Variants in DUSP16 observed in about 807,000 individuals in gnomAD.
The protein encoded by DUSP16 is dual specificity protein phosphatase 16.
A neutral mutation model predicts 58.3 loss-of-function variants in DUSP16; 21 were observed. The observed-to-expected ratio is 0.36, with a 90% CI of 0.26 to 0.52. The LOEUF (loss-of-function observed/expected upper bound fraction) is 0.52, where lower values mean the gene tolerates loss of function less well. DUSP16 is among the 20% of genes least tolerant of loss of function. DUSP16 has a pLI of 0.94. For missense variants in DUSP16, 726 were observed against 819.0 expected, an observed-to-expected ratio of 0.89 and a Z score of 1.39; for synonymous variants, 320 against 323.8, an observed-to-expected ratio of 0.99 and a Z score of 0.12.
At chr12:12,513,733 G>C (rs1944109758) in intron 3 of DUSP16, among the ~76,000 whole-genome samples, 1 of 152,158 alleles carries the variant, frequency 6.6e-6, no homozygotes, top group East Asian at 1.9e-4. Context: ...GAAGGACATA[G>C]TAGAACAGCA....
chr12:12,529,682 C>A (rs995688618), intron 1 of DUSP16, among the ~76,000 whole-genome samples: 1 of 152,198 alleles, frequency 6.6e-6, no homozygotes, highest in Non-Finnish European at 1.5e-5. Flanking sequence ...TCTCCCCAGG[C>A]TTCCCCTCCC....
intron 3 of DUSP16, 105 bp downstream of exon 3, chr12:12,519,757 A>C: frequency 8.8e-7 from 1 of 1,139,020 alleles, no homozygotes; most frequent in Non-Finnish European, 1.3e-6. Flanking sequence ...ATCATTTTAC[A>C]CAGCAAAGTT....
intron 1 of DUSP16, among the ~76,000 whole-genome samples, chr12:12,536,759 C>T (rs1009994494): frequency 6.6e-6 from 1 of 151,178 alleles, no homozygotes; most frequent in African/African-American, 2.4e-5. Context: ...AAAAAAAACG[C>T]CGATGCGGTG....
intron 4 of DUSP16, among the ~76,000 whole-genome samples, chr12:12,496,970 T>C (rs1943835922): frequency 6.6e-6 from 1 of 152,168 alleles, no homozygotes; most frequent in Non-Finnish European, 1.5e-5. Flanking sequence ...TGCTGAGACC[T>C]AGACTGTCCA....
rs369128224 is a variant in DUSP16 at position 12,477,187 on chromosome 12, G to T, written c.1644C>A (p.Thr548=). Residue 548 remains threonine (T), a synonymous_variant, in exon 7 of 7, where the codon ACC becomes ACA. Coordinates refer to ENST00000298573, the MANE Select transcript of DUSP16 (RefSeq NM_030640.3). This position sits in a 1 kb window ranked among gnomAD's most constrained non-coding sequence, Gnocchi z 4.1. ...GWHSDILAPQ[T]STPSLTSSWY... Reference sequence around the variant, plus strand: ...AGCTGCTGGTCAGGGAAGGGGTAGAGGTCTGGGGGGCCAAGATATCCGAGT... The same window carrying T: ...AGCTGCTGGTCAGGGAAGGGGTAGATGTCTGGGGGGCCAAGATATCCGAGT... 1.5e-5 allele frequency: 25 copies of T among 1,614,110 alleles called. No individual in the cohort carries two copies. The African/African-American group carries it at 2.4e-4, about 16-fold the overall frequency.
rs1026567580 is a variant in DUSP16 at position 12,476,965 on chromosome 12, C to T, written c.1866G>A (p.Gln622=). Residue 622 remains glutamine (Q), a synonymous_variant, in exon 7 of 7, where the codon CAG becomes CAA. Coordinates refer to ENST00000298573, the MANE Select transcript of DUSP16 (RefSeq NM_030640.3). ...SWHEESPFEK[Q]FKRRSCQMEF... is the part of the protein sequence containing the mutation. The stretch of plus-strand genomic sequence containing the variant: ...CCATTTGGCAGCTTCTGCGTTTAAA[C>T]TGCTTTTCAAAGGGGCTCTCTTCAT... 1.9e-6 allele frequency: 3 copies of T among 1,614,094 alleles called. No individual in the cohort carries two copies. The highest frequency in any genetic ancestry group is 1.3e-5 in the African/African-American group (1 of 74,936).
In DUSP16 at chr12:12,476,172, A is replaced by G. The variant is rs1402984173; in HGVS notation, c.*661T>C. The G allele has an allele frequency of 6.5e-6, 1 of 152,684 alleles. No homozygotes were observed. The highest frequency in any genetic ancestry group is 1.5e-5 in the Non-Finnish European group (1 of 68,060). The allele number at this position is 152,684 out of a possible 1,614,324, so 9.5% of individuals were successfully genotyped here. On this transcript the variant is annotated 3_prime_UTR_variant, in exon 7 of 7. Transcript: ENST00000298573. Reference sequence around the variant, plus strand: ...GTGACTAGCTACCTACCTATTCACAATGCCTAGAAAATGGGCTACCAGATA... The same window carrying G: ...GTGACTAGCTACCTACCTATTCACAGTGCCTAGAAAATGGGCTACCAGATA...
rs116347513 is a variant in DUSP16, at chr12:12,504,554, G to A, written c.368-3872C>T. Among the ~76,000 whole-genome samples the A allele has an allele frequency of 5.2e-3, 791 of 152,006 alleles. 8 individuals carry two copies. The highest frequency in any genetic ancestry group is 0.017 in the African/African-American group (721 of 41,476). On this transcript the variant is annotated intron_variant, in intron 3 of 6. Coordinates refer to ENST00000298573, the MANE Select transcript of DUSP16 (RefSeq NM_030640.3). ...TGGGTTTACAGGCATGAGCCACTGC[G>A]CCCTGCCAGTTCTGGTGTTTCTCTA...
intron 3 of DUSP16, among the ~76,000 whole-genome samples, chr12:12,501,479 A>G (rs1943909785): frequency 6.6e-6 from 1 of 152,214 alleles, no homozygotes; most frequent in Non-Finnish European, 1.5e-5. Flanking sequence ...AGTGAAATCT[A>G]TGTAGCCAAA....
intron 3 of DUSP16, among the ~76,000 whole-genome samples, chr12:12,503,931 C>T (rs1202820297): frequency 1.3e-5 from 2 of 152,190 alleles, no homozygotes; most frequent in African/African-American, 4.8e-5. Flanking sequence ...TGGAGTCAAT[C>T]AGAACTCCTG....
chr12:12,517,719 C>T (rs1347601537), intron 3 of DUSP16, among the ~76,000 whole-genome samples: 3 of 152,350 alleles, frequency 2.0e-5, no homozygotes, highest in Non-Finnish European at 2.9e-5. Flanking sequence ...GCAATTCAGA[C>T]TCTGAAGTCA....
At chr12:12,482,357 T>C (rs1943586786) in intron 5 of DUSP16, among the ~76,000 whole-genome samples, 1 of 152,234 alleles carries the variant, frequency 6.6e-6, no homozygotes, top group Non-Finnish European at 1.5e-5. Context: ...ATAGGTTTCC[T>C]TTTCTCTGTT....
At chr12:12,551,002 G>C (rs1258158239) in intron 1 of DUSP16, among the ~76,000 whole-genome samples, 1 of 152,158 alleles carries the variant, frequency 6.6e-6, no homozygotes. Flanking sequence ...TCTGTATGAT[G>C]AAATAGGAAG....
intron 1 of DUSP16, among the ~76,000 whole-genome samples, chr12:12,555,423 A>G (rs1372662167): frequency 6.6e-6 from 1 of 152,250 alleles, no homozygotes; most frequent in East Asian, 1.9e-4. Flanking sequence ...TTATTTGACA[A>G]ACATTTGTCA....
Position 12,477,955 on chromosome 12 carries a change from C to G in DUSP16, c.876G>C (p.Leu292=). The G allele has an allele frequency of 1.2e-6, 2 of 1,612,396 alleles. No homozygotes were observed. The highest frequency in any genetic ancestry group is 1.7e-6 in the Non-Finnish European group (2 of 1,178,882). Residue 292 remains leucine (L), a synonymous_variant, in exon 7 of 7, where the codon CTG becomes CTC. Transcript: ENST00000298573. This position sits in a 1 kb window ranked among gnomAD's most constrained non-coding sequence, Gnocchi z 4.1. Reference sequence around the variant, plus strand: ...GGTTCTTAATCTTCTTCTCATAGTCCAGGAGTTGGCCCAGAAAATTGAAGT... The same window carrying G: ...GGTTCTTAATCTTCTTCTCATAGTCGAGGAGTTGGCCCAGAAAATTGAAGT... ...SPNFNFLGQL[L]DYEKKIKNQT...
At chr12:12,523,728 G>A (rs17313536) in intron 1 of DUSP16, among the ~76,000 whole-genome samples, 5,428 of 152,236 alleles carry the variant, frequency 0.036, 151 homozygotes, top group Non-Finnish European at 0.06. Context: ...ACTCAATCAG[G>A]TTCTGCCTGC....
chr12:12,476,921 A>G lies in DUSP16; in HGVS notation c.1910T>C (p.Met637Thr), dbSNP rs142544556. Residue 637 changes from methionine (M) to threonine (T), a missense_variant, in exon 7 of 7, where the codon ATG (methionine) becomes ACG (threonine). Coordinates refer to ENST00000298573, the MANE Select transcript of DUSP16 (RefSeq NM_030640.3). ...SCQMEFGESIMSENRSREELG... is the reference protein window; with the variant it reads ...SCQMEFGESITSENRSREELG... ...CTCTTCCCGTGACCTGTTCTCTGAC[A>G]TGATGCTCTCTCCAAATTCCATTTG... 30 of 1,614,104 alleles carry G rather than the reference A, an allele frequency of 1.9e-5. No homozygotes were observed. Among genetic ancestry groups the G allele is most frequent in the African/African-American group, 6.7e-5 (5 of 75,056 alleles).
chr12:12,522,432 G>A (rs962480498), intron 1 of DUSP16, among the ~76,000 whole-genome samples: 5 of 152,164 alleles, frequency 3.3e-5, no homozygotes, highest in Middle Eastern at 3.4e-3. Context: ...GAAGTTTTGC[G>A]CTTATTGCTT....
At chr12:12,544,896 A>C (rs1164784641) in intron 1 of DUSP16, among the ~76,000 whole-genome samples, 2 of 152,234 alleles carry the variant, frequency 1.3e-5, no homozygotes, top group Admixed American at 1.3e-4. Context: ...CTTTCTTTCC[A>C]CATTGCTGTA....
Sources: gnomAD v4.1 joint callset for allele counts (sites outside exome capture counted in the v4.1 genomes callset) on GRCh38, gnomAD v4.1.1 for gene constraint, Gnocchi (gnomAD v3.1) non-coding constraint, MANE v1.5 for transcripts, NCBI Gene and HGNC (gene_info 2026-07-23, HGNC 2026-07-21) for gene names.